The following CSMD1 variants were observed in gnomAD, a reference collection of about 807,000 sequenced individuals.
The protein encoded by CSMD1 is CUB and Sushi multiple domains 1.
In CSMD1, 213 loss-of-function variants were observed where a neutral mutation model predicts 417.5. The ratio of observed to expected loss-of-function variants is 0.51; its 90% CI spans 0.46 to 0.57. The LOEUF (loss-of-function observed/expected upper bound fraction) is 0.57, where lower values mean the gene tolerates loss of function less well. Among genes scored for constraint, CSMD1 ranks in the 20% least tolerant of loss-of-function variants. CSMD1 has a pLI of 0.00. For missense variants in CSMD1, 6,923 were observed against 4,529.7 expected (o/e 1.53, Z -15.17); for synonymous variants, 2,862 against 1,736.8 (o/e 1.65, Z -16.11).
intron 8 of CSMD1, among the ~76,000 whole-genome samples, chr8:3,599,040 C>T (rs1801227905): frequency 6.6e-6 from 1 of 151,922 alleles, no homozygotes; most frequent in Non-Finnish European, 1.5e-5. Flanking sequence ...GAGCTTGCAA[C>T]AATGCACTCC....
intron 7 of CSMD1, among the ~76,000 whole-genome samples, chr8:3,696,145 A>G (rs1800540642): frequency 6.6e-6 from 1 of 152,230 alleles, no homozygotes; most frequent in Non-Finnish European, 1.5e-5. Flanking sequence ...TTTCCCAGAT[A>G]CATAATGAAC....
At chr8:3,888,050 G>C (rs1271918608) in intron 5 of CSMD1, among the ~76,000 whole-genome samples, 1 of 152,096 alleles carries the variant, frequency 6.6e-6, no homozygotes, top group Non-Finnish European at 1.5e-5. Flanking sequence ...AAAAGATATT[G>C]GAAAATACTG....
At chr8:3,315,749 T>A (rs73503739) in intron 23 of CSMD1, among the ~76,000 whole-genome samples, 1,876 of 152,302 alleles carry the variant, frequency 0.012, 39 homozygotes, top group African/African-American at 0.042. Flanking sequence ...ATGTCCAGAA[T>A]GAAAATCAGA....
chr8:3,677,475 C>G (rs1799436193), intron 7 of CSMD1, among the ~76,000 whole-genome samples: 1 of 152,186 alleles, frequency 6.6e-6, no homozygotes, highest in Non-Finnish European at 1.5e-5. Flanking sequence ...ATGCACAGAT[C>G]TGAGCACCAC....
intron 7 of CSMD1, among the ~76,000 whole-genome samples, chr8:3,695,964 T>G (rs1800530322): frequency 6.6e-6 from 1 of 152,210 alleles, no homozygotes; most frequent in Admixed American, 6.5e-5. Flanking sequence ...AAACTACACT[T>G]GAAGATATGG....
intron 5 of CSMD1, among the ~76,000 whole-genome samples, chr8:3,895,248 C>T (rs1327493440): frequency 6.6e-6 from 1 of 152,112 alleles, no homozygotes; most frequent in Admixed American, 6.5e-5. Context: ...ACTGTGCTTA[C>T]AACAACAAAG....
chr8:4,526,185 A>T (rs1163747439), intron 2 of CSMD1, among the ~76,000 whole-genome samples: 3 of 152,226 alleles, frequency 2.0e-5, no homozygotes, highest in African/African-American at 7.2e-5. Flanking sequence ...TTTTGAGTAG[A>T]AACTTTGTAG....
chr8:4,105,404 T>A (rs997713316), intron 3 of CSMD1, among the ~76,000 whole-genome samples: 3 of 152,182 alleles, frequency 2.0e-5, no homozygotes, highest in African/African-American at 4.8e-5. Flanking sequence ...TATAGAAAAG[T>A]ATTTTTAGGA....
At chr8:4,153,843 G>C (rs557173134) in intron 3 of CSMD1, among the ~76,000 whole-genome samples, 6 of 152,336 alleles carry the variant, frequency 3.9e-5, no homozygotes, top group Admixed American at 2.0e-4. Flanking sequence ...CATGCAAGTG[G>C]TGACCGTAGC....
At chr8:4,272,659 C>G (rs947307596) in intron 3 of CSMD1, among the ~76,000 whole-genome samples, 1 of 152,126 alleles carries the variant, frequency 6.6e-6, no homozygotes, top group Admixed American at 6.5e-5. Flanking sequence ...CCTAACACTC[C>G]AAACCGACTG....
intron 3 of CSMD1, among the ~76,000 whole-genome samples, chr8:4,253,118 G>C (rs562681478): frequency 6.6e-6 from 1 of 152,208 alleles, no homozygotes; most frequent in African/African-American, 2.4e-5. Context: ...CTGTGGAACT[G>C]GATGGATATT....
chr8:4,648,549 T>C (rs1012815427), intron 1 of CSMD1, among the ~76,000 whole-genome samples: 1 of 152,198 alleles, frequency 6.6e-6, no homozygotes, highest in African/African-American at 2.4e-5. Context: ...CTATAACTTA[T>C]ATTTGGGTTT....
intron 7 of CSMD1, among the ~76,000 whole-genome samples, chr8:3,644,194 G>A (rs1053464715): frequency 6.6e-6 from 1 of 152,160 alleles, no homozygotes; most frequent in African/African-American, 2.4e-5. Flanking sequence ...AAACTCTAGG[G>A]GCGGGGCTCA....
chr8:3,406,451 G>A (rs747720167), intron 14 of CSMD1, among the ~76,000 whole-genome samples: 1 of 152,170 alleles, frequency 6.6e-6, no homozygotes, highest in Non-Finnish European at 1.5e-5. Context: ...CATTTATGCA[G>A]CAATTTAGGG....
At chr8:3,352,374 G>A (rs1006640791) in intron 21 of CSMD1, among the ~76,000 whole-genome samples, 2 of 152,136 alleles carry the variant, frequency 1.3e-5, no homozygotes, top group African/African-American at 4.8e-5. Context: ...TGTGAAGATT[G>A]ACTTGTGACA....
At chr8:4,021,970 C>A (rs1383863813) in intron 4 of CSMD1, among the ~76,000 whole-genome samples, 2 of 151,826 alleles carry the variant, frequency 1.3e-5, no homozygotes, top group Non-Finnish European at 2.9e-5. Context: ...CAGTCAAGTG[C>A]TGCCTAGGAA....
chr8:4,822,541 T>C (rs771307854), intron 1 of CSMD1, among the ~76,000 whole-genome samples: 5 of 152,134 alleles, frequency 3.3e-5, no homozygotes, highest in Non-Finnish European at 5.9e-5. Flanking sequence ...ATCCCACCTG[T>C]GACTTAAACT....
At chr8:4,859,822 C>A (rs1802019503) in intron 1 of CSMD1, among the ~76,000 whole-genome samples, 2 of 152,080 alleles carry the variant, frequency 1.3e-5, no homozygotes, top group South Asian at 4.1e-4. Flanking sequence ...GGACTGTAAA[C>A]TAGTTCAACC....
At chr8:4,736,756 G>T (rs147373602) in intron 1 of CSMD1, among the ~76,000 whole-genome samples, 2 of 152,122 alleles carry the variant, frequency 1.3e-5, no homozygotes, top group East Asian at 1.9e-4. Context: ...TTGGAAGCAG[G>T]TTTCATGTTT....
Sources: gnomAD v4.1 joint callset for allele counts (sites outside exome capture counted in the v4.1 genomes callset) on GRCh38, gnomAD v4.1.1 for gene constraint, MANE v1.5 for transcripts, NCBI Gene and HGNC (gene_info 2026-07-23, HGNC 2026-07-21) for gene names.